The following SH3YL1 variants were observed in gnomAD, a reference collection of about 807,000 sequenced individuals.
SH3YL1 encodes the protein SH3 and SYLF domain containing 1.
In SH3YL1, 41 loss-of-function variants were observed where a neutral mutation model predicts 45.8. The observed-to-expected ratio is 0.89, with a 90% CI of 0.70 to 1.16. The LOEUF is 1.16. Ranked by LOEUF, SH3YL1 falls within the 50% of genes most tolerant of loss-of-function variation. The probability of loss-of-function intolerance (pLI) is 0.00; values close to 1 mark genes in which losing one functional copy is unlikely to be tolerated. For synonymous variants in SH3YL1, 152 were observed against 151.4 expected (o/e 1.00, Z -0.03); for missense variants, 389 against 409.6 (o/e 0.95, Z 0.43).
At chr2:247,454 A>G (rs897630136) in intron 4 of SH3YL1, 84 bp downstream of exon 4, 1 of 1,104,890 alleles carries the variant, frequency 9.1e-7, no homozygotes, top group African/African-American at 1.6e-5. Flanking sequence ...TAAGAACGCT[A>G]GGAAACCTCT....
chr2:235,017 A>G (rs1476331602), intron 4 of SH3YL1, among the ~76,000 whole-genome samples: 3 of 152,242 alleles, frequency 2.0e-5, no homozygotes, highest in Non-Finnish European at 4.4e-5. Context: ...AGCTGGGATT[A>G]CAGGCACGTC....
intron 4 of SH3YL1, among the ~76,000 whole-genome samples, chr2:238,385 C>T (rs1476300237): frequency 6.6e-6 from 1 of 151,928 alleles, no homozygotes; most frequent in Non-Finnish European, 1.5e-5. Flanking sequence ...CTCAGACCAA[C>T]AGATCTTTTC....
intron 4 of SH3YL1, chr2:243,464 T>C: frequency 6.7e-7 from 1 of 1,483,850 alleles, no homozygotes; most frequent in Non-Finnish European, 8.9e-7. Flanking sequence ...AGAAATTAGA[T>C]AATATTTTGA....
chr2:251,353 T>C (rs970673060), intron 2 of SH3YL1, among the ~76,000 whole-genome samples: 6 of 152,356 alleles, frequency 3.9e-5, no homozygotes, highest in East Asian at 3.9e-4. Flanking sequence ...GTTTATCCTA[T>C]GAAATAGCAT....
At chr2:264,115 A>T (rs1669734760), upstream of SH3YL1, 1 of 1,268,528 alleles carries the variant, frequency 7.9e-7, no homozygotes. Flanking sequence ...GCGGCGCAAA[A>T]CACCCGCCGT....
chr2:233,509 T>A (rs974052296), intron 5 of SH3YL1, among the ~76,000 whole-genome samples: 1 of 152,230 alleles, frequency 6.6e-6, no homozygotes, highest in Non-Finnish European at 1.5e-5. Flanking sequence ...AAATATATTT[T>A]AAAAATTTGT....
intron 9 of SH3YL1, among the ~76,000 whole-genome samples, chr2:219,912 CA>C (rs1453626163): frequency 6.6e-6 from 1 of 151,940 alleles, no homozygotes; most frequent in Non-Finnish European, 1.5e-5. Context: ...ACATGTTTCA[CA>C]AGTACTTCAA....
At chr2:230,886 C>T (rs1668002814) in intron 7 of SH3YL1, 137 bp downstream of exon 7, 1 of 791,576 alleles carries the variant, frequency 1.3e-6, no homozygotes, top group Non-Finnish European at 2.1e-6. Context: ...GTAGCATGAC[C>T]TTTTCACAAG....
intron 8 of SH3YL1, among the ~76,000 whole-genome samples, chr2:229,546 G>A (rs1307770510): frequency 6.6e-6 from 1 of 151,648 alleles, no homozygotes; most frequent in Non-Finnish European, 1.5e-5. Flanking sequence ...CGGCTAAAAC[G>A]GTGAAACCCC....
chr2:262,370 C>T (rs753681965), intron 1 of SH3YL1: 13 of 282,048 alleles, frequency 4.6e-5, no homozygotes, highest in Non-Finnish European at 6.3e-5. Context: ...GTCCCCCAAC[C>T]CCAGGCTGTG....
chr2:257,372 A>G (rs935929244), intron 1 of SH3YL1, among the ~76,000 whole-genome samples: 2 of 152,214 alleles, frequency 1.3e-5, no homozygotes, highest in Admixed American at 6.5e-5. Flanking sequence ...TAGGTTTTAC[A>G]TTGTTAAAAC....
upstream of SH3YL1, chr2:264,123 C>G: frequency 8.1e-7 from 1 of 1,238,384 alleles, no homozygotes; most frequent in South Asian, 1.9e-5. Context: ...AAACACCCGC[C>G]GTGTACGTTT....
intron 9 of SH3YL1, among the ~76,000 whole-genome samples, chr2:221,450 G>C (rs1288510435): frequency 6.6e-6 from 1 of 152,018 alleles, no homozygotes; most frequent in Admixed American, 6.6e-5. Context: ...GAGAAAGAAG[G>C]CGAGATCACA....
chr2:219,015 A>C lies in SH3YL1; in HGVS notation c.839-14T>G, dbSNP rs1276772511. 6.3e-7 allele frequency: 1 copy of C among 1,599,514 alleles called. No individual in the cohort carries two copies. The highest frequency in any genetic ancestry group is 2.2e-5 in the East Asian group (1 of 44,664). On this transcript the variant is annotated splice_polypyrimidine_tract_variant and intron_variant, in intron 9 of 9. Transcript: ENST00000356150. Reference sequence around the variant, plus strand: ...GATTCAAATTGCCTGAAACAAGAAAAAAGTATTCACGTTTATGTTCTTTAA... The same window carrying C: ...GATTCAAATTGCCTGAAACAAGAAACAAGTATTCACGTTTATGTTCTTTAA...
intron 4 of SH3YL1, among the ~76,000 whole-genome samples, chr2:238,328 C>T (rs549399272): frequency 5.4e-5 from 8 of 149,062 alleles, no homozygotes; most frequent in Non-Finnish European, 1.2e-4. Context: ...AATATGTAAA[C>T]CAAGCTTAAG....
At chr2:264,786 A>G, upstream of SH3YL1, 1 of 650,180 alleles carries the variant, frequency 1.5e-6, no homozygotes. Flanking sequence ...TACTACCGTC[A>G]TAGGACCGCC....
At chr2:219,644 T>C (rs1005798569) in intron 9 of SH3YL1, among the ~76,000 whole-genome samples, 2 of 152,196 alleles carry the variant, frequency 1.3e-5, no homozygotes, top group Non-Finnish European at 2.9e-5. Flanking sequence ...GGGGCCAAGA[T>C]AGTGTGACAG....
chr2:234,376 A>G, intron 4 of SH3YL1, 104 bp from the exon 5 acceptor site: 1 of 756,756 alleles, frequency 1.3e-6, no homozygotes, highest in Non-Finnish European at 2.1e-6. Context: ...GTAGCAAAAC[A>G]TCAATAGAGA....
upstream of SH3YL1, chr2:264,498 G>A (rs1433440264): frequency 5.5e-6 from 1 of 180,648 alleles, no homozygotes; most frequent in African/African-American, 2.4e-5. Context: ...TCCTCCTCCA[G>A]GTACCCCTCT....
Sources: gnomAD v4.1 joint callset for allele counts (sites outside exome capture counted in the v4.1 genomes callset) on GRCh38, gnomAD v4.1.1 for gene constraint, MANE v1.5 for transcripts, NCBI Gene and HGNC (gene_info 2026-07-23, HGNC 2026-07-21) for gene names.